The following ADAMTS2 variants were observed in gnomAD, a reference collection of about 807,000 sequenced individuals.
ADAMTS2 encodes ADAM metallopeptidase with thrombospondin type 1 motif 2.
A neutral mutation model predicts 123.0 loss-of-function variants in ADAMTS2; 50 were observed. The ratio of observed to expected loss-of-function variants is 0.41; its 90% CI spans 0.32 to 0.51. The LOEUF (loss-of-function observed/expected upper bound fraction) is 0.51. Among genes scored for constraint, ADAMTS2 ranks in the 20% least tolerant of loss-of-function variants. ADAMTS2 has a pLI of 0.35. For synonymous variants in ADAMTS2, 678 were observed against 695.4 expected (o/e 0.98, Z 0.39); for missense variants, 1,494 against 1,705.2 (o/e 0.88, Z 2.18).
At chr5:179,241,272 C>A (rs181892042) in intron 3 of ADAMTS2, among the ~76,000 whole-genome samples, 1 of 152,314 alleles carries the variant, frequency 6.6e-6, no homozygotes, top group Admixed American at 6.5e-5. Flanking sequence ...CCTGGAAGCT[C>A]CTCGGGAACG....
chr5:179,233,400 C>A (rs1351333549), intron 3 of ADAMTS2, among the ~76,000 whole-genome samples: 1 of 151,966 alleles, frequency 6.6e-6, no homozygotes, highest in African/African-American at 2.4e-5. Context: ...ACAAAAACAG[C>A]CCGGGCATGG....
chr5:179,219,573 C>T (rs1181830858), intron 3 of ADAMTS2, among the ~76,000 whole-genome samples: 2 of 152,204 alleles, frequency 1.3e-5, no homozygotes, highest in African/African-American at 4.8e-5. Flanking sequence ...AGGGGCCAGG[C>T]TCTGGTCCGG....
Position 179,158,806 on chromosome 5 carries a change from T to C in ADAMTS2, c.1049A>G (p.Gln350Arg), listed in dbSNP as rs2113265082. 6.2e-7 allele frequency: 1 copy of C among 1,614,234 alleles called. No homozygotes were observed. Among genetic ancestry groups the C allele is most frequent in the Admixed American group, 1.7e-5 (1 of 60,036 alleles). The stretch of plus-strand genomic sequence containing the variant: ...TTCATCGTGGCCCGTGTCTGGCTTC[T>C]GCTGGAGGTAGGCCCAGCGGCAGAC... ...ENVCRWAYLQQKPDTGHDEYH... is the reference protein window; with the variant it reads ...ENVCRWAYLQRKPDTGHDEYH... Residue 350 changes from glutamine (Q) to arginine (R), a missense_variant, in exon 6 of 22, where the codon CAG (glutamine) becomes CGG (arginine). By Grantham distance (43) the Gln-to-Arg change is conservative (BLOSUM62 1). Around this residue, in one of 6 missense-constraint regions of ADAMTS2, gnomAD observed 70 missense variants for 85.3 expected, o/e 0.82. Coordinates refer to ENST00000251582, the MANE Select transcript of ADAMTS2 (RefSeq NM_014244.5). This position sits in a 1 kb window ranked among gnomAD's most constrained non-coding sequence, Gnocchi z 5.0.
At position 179,225,871 on chromosome 5, in the gene ADAMTS2, C is replaced by T. The variant is rs1765270529; in HGVS notation, c.689-18156G>A. On this transcript the variant is annotated intron_variant, in intron 3 of 21. Transcript: ENST00000251582. The surrounding 1 kb of genome is among the most constrained non-coding windows in gnomAD (Gnocchi z 4.5). Reference sequence around the variant, plus strand: ...AGGAAGAACCCGAGATACAGAAAGCCCTCTGTCCTTGCGACAAGGTAGAGG... The same window carrying T: ...AGGAAGAACCCGAGATACAGAAAGCTCTCTGTCCTTGCGACAAGGTAGAGG... 6.6e-6 allele frequency among the ~76,000 whole-genome samples: 1 copy of T among 152,216 alleles called. No homozygotes were observed. Among genetic ancestry groups the T allele is most frequent in the African/African-American group, 2.4e-5 (1 of 41,470 alleles).
At chr5:179,295,662 C>A (rs1756306998) in intron 2 of ADAMTS2, among the ~76,000 whole-genome samples, 1 of 152,192 alleles carries the variant, frequency 6.6e-6, no homozygotes, top group South Asian at 2.1e-4. Context: ...CTGCAACCAC[C>A]ACAGACTCAG....
intron 5 of ADAMTS2, among the ~76,000 whole-genome samples, chr5:179,167,622 C>T (rs1763733022): frequency 6.6e-6 from 1 of 152,296 alleles, no homozygotes; most frequent in Non-Finnish European, 1.5e-5. Flanking sequence ...GGGCAAGGCG[C>T]ACTCAGCCAG....
rs550370551 is a variant in ADAMTS2 at position 179,265,439 on chromosome 5, G to A, written c.688+7472C>T. On this transcript the variant is annotated intron_variant, in intron 3 of 21. Coordinates refer to ENST00000251582, the MANE Select transcript of ADAMTS2 (RefSeq NM_014244.5). ...GTCAGGCGGAGTGCCAGGCCCAGAC[G>A]CCGTGGAGGGGGAGCACACCCTGGC... Among the ~76,000 whole-genome samples the A allele has an allele frequency of 2.1e-4, 32 of 152,320 alleles. No individual in the cohort carries two copies. The East Asian group carries it at 5.4e-3, about 26-fold the overall frequency.
At chr5:179,287,844 G>A (rs574360836) in intron 2 of ADAMTS2, among the ~76,000 whole-genome samples, 1 of 152,334 alleles carries the variant, frequency 6.6e-6, no homozygotes, top group East Asian at 1.9e-4. Context: ...CCCGACGGAC[G>A]TCCCCCTTAG....
chr5:179,121,807 C>G, intron 20 of ADAMTS2, 57 bp from the exon 21 acceptor site: 1 of 1,250,622 alleles, frequency 8.0e-7, no homozygotes, highest in Non-Finnish European at 1.1e-6. Context: ...GCCCCCACCC[C>G]AGGCAGAGAG....
At chr5:179,157,972 C>CT (rs11322430) in intron 6 of ADAMTS2, among the ~76,000 whole-genome samples, 17 of 148,318 alleles carry the variant, frequency 1.1e-4, no homozygotes, top group South Asian at 2.1e-4. Context: ...TTTTTTGTCT[C>CT]TTTTTTTTTT....
chr5:179,302,639 C>CG (rs199873301), intron 2 of ADAMTS2, among the ~76,000 whole-genome samples: 4,638 of 151,582 alleles, frequency 0.031, 84 homozygotes, highest in Non-Finnish European at 0.04. Context: ...TGCTATCTCC[C>CG]GGGGGGGCAA....
chr5:179,288,874 G>A (rs1756104344), intron 2 of ADAMTS2, among the ~76,000 whole-genome samples: 1 of 152,186 alleles, frequency 6.6e-6, no homozygotes, highest in Admixed American at 6.5e-5. Flanking sequence ...GGTATGAAAG[G>A]CCACACCAGG....
chr5:179,238,835 T>C (rs975432938), intron 3 of ADAMTS2, among the ~76,000 whole-genome samples: 1 of 151,982 alleles, frequency 6.6e-6, no homozygotes, highest in African/African-American at 2.4e-5. Context: ...ACAGACATGA[T>C]CCAGCAGAAG....
intron 5 of ADAMTS2, among the ~76,000 whole-genome samples, chr5:179,160,997 C>A (rs547543087): frequency 2.2e-3 from 329 of 152,240 alleles, no homozygotes; most frequent in African/African-American, 7.5e-3. Flanking sequence ...ACGATGAGAC[C>A]CGAATCCTCC....
intron 2 of ADAMTS2, among the ~76,000 whole-genome samples, chr5:179,305,976 T>C (rs1420264013): frequency 6.6e-6 from 1 of 152,064 alleles, no homozygotes; most frequent in Non-Finnish European, 1.5e-5. Flanking sequence ...AGAAAAAGAA[T>C]TCATAGTTTA....
chr5:179,191,883 A>AG (rs540082992), intron 4 of ADAMTS2, among the ~76,000 whole-genome samples: 9,353 of 152,222 alleles, frequency 0.061, 300 homozygotes, highest in African/African-American at 0.078. Flanking sequence ...TCGCTCCAGA[A>AG]GGGGGTGTGT....
intron 2 of ADAMTS2, among the ~76,000 whole-genome samples, chr5:179,291,133 G>A (rs948697727): frequency 2.0e-5 from 3 of 152,230 alleles, no homozygotes; most frequent in African/African-American, 7.2e-5. Flanking sequence ...TGAGCCACCA[G>A]CATGATGCTG....
At chr5:179,287,560 T>C (rs1756056413) in intron 2 of ADAMTS2, among the ~76,000 whole-genome samples, 1 of 152,146 alleles carries the variant, frequency 6.6e-6, no homozygotes, top group Admixed American at 6.5e-5. Context: ...CCCCAGAATT[T>C]TCTGGGCGAT....
chr5:179,337,826 GGGT>G (rs1757658839), intron 2 of ADAMTS2, among the ~76,000 whole-genome samples: 1 of 149,856 alleles, frequency 6.7e-6, no homozygotes, highest in Non-Finnish European at 1.5e-5. Context: ...CAGCAGGCCT[GGGT>G]GAGGACCTGG....
Sources: allele counts gnomAD v4.1 joint callset (sites outside exome capture counted in the v4.1 genomes callset), GRCh38; gene constraint gnomAD v4.1.1; regional missense constraint gnomAD v4.1.1; non-coding constraint Gnocchi (gnomAD v3.1); transcripts MANE v1.5; gene names NCBI Gene and HGNC (gene_info 2026-07-23, HGNC 2026-07-21).